The following DPYD variants were observed in gnomAD, a reference collection of about 807,000 sequenced individuals.
DPYD encodes dihydropyrimidine dehydrogenase [NADP(+)].
DPYD carries 109 observed loss-of-function variants against 116.2 expected under a neutral mutation model. The observed-to-expected ratio is 0.94, with a 90% CI of 0.80 to 1.10. DPYD has a LOEUF of 1.10. Ranked by LOEUF, DPYD falls within the 50% of genes least tolerant of loss-of-function variation. The pLI is 0.00. For synonymous variants in DPYD, 440 were observed against 432.0 expected, an observed-to-expected ratio of 1.02 and a Z score of -0.23; for missense variants, 1,302 against 1,254.5, an observed-to-expected ratio of 1.04 and a Z score of -0.57.
At chr1:97,591,260 T>C (rs1173112214) in intron 10 of DPYD, among the ~76,000 whole-genome samples, 1 of 152,196 alleles carries the variant, frequency 6.6e-6, no homozygotes, top group African/African-American at 2.4e-5. Flanking sequence ...CACACACTCA[T>C]TATACTCCTA....
At chr1:97,707,999 A>G (rs1038582498) in intron 5 of DPYD, among the ~76,000 whole-genome samples, 1 of 151,634 alleles carries the variant, frequency 6.6e-6, no homozygotes, top group African/African-American at 2.4e-5. Flanking sequence ...TAGAAGTTTT[A>G]ATTTTGTTTC....
rs1649223136 is a variant in DPYD at position 97,082,421 on chromosome 1, C to T, written c.2816G>A (p.Ser939Asn). Reference protein sequence around the residue: ...LQYLGTFGELSNVEQVVAMID... With the variant: ...LQYLGTFGELNNVEQVVAMID... ...CATAGCCACAACTTGCTCTACGTTGCTCAATTCACCAAATGTTCCAAGGTA... is the reference window on the plus strand; with the variant it reads ...CATAGCCACAACTTGCTCTACGTTGTTCAATTCACCAAATGTTCCAAGGTA... Residue 939 changes from serine to asparagine, a missense_variant, in exon 22 of 23, where the codon AGC becomes AAC. Transcript: ENST00000370192. 1.2e-6 allele frequency: 2 copies of T among 1,613,678 alleles called. No individual in the cohort carries two copies. Among genetic ancestry groups the T allele is most frequent in the East Asian group, 4.5e-5 (2 of 44,850 alleles).
At chr1:97,831,065 G>A (rs940895118) in intron 2 of DPYD, among the ~76,000 whole-genome samples, 2 of 152,124 alleles carry the variant, frequency 1.3e-5, no homozygotes, top group African/African-American at 2.4e-5. Flanking sequence ...AAATAAGTAA[G>A]CACTGTAGCA....
intron 20 of DPYD, among the ~76,000 whole-genome samples, chr1:97,141,530 C>T (rs1654222921): frequency 6.6e-6 from 1 of 152,146 alleles, no homozygotes; most frequent in Non-Finnish European, 1.5e-5. Flanking sequence ...GGTCCATACT[C>T]ACTGCTGTCT....
intron 5 of DPYD, among the ~76,000 whole-genome samples, chr1:97,718,880 C>T (rs1342452554): frequency 5.3e-5 from 8 of 151,440 alleles, no homozygotes. Flanking sequence ...ATAAAATTTT[C>T]AAGGGTTATA....
chr1:97,312,298 A>G (rs7538663), intron 16 of DPYD, among the ~76,000 whole-genome samples: 144,723 of 151,860 alleles, frequency 0.95, 69,372 homozygotes, highest in East Asian at 1. Flanking sequence ...AGAAACAGGC[A>G]TTCTCATAGG....
At chr1:97,357,304 T>C (rs1670473673) in intron 16 of DPYD, among the ~76,000 whole-genome samples, 1 of 152,146 alleles carries the variant, frequency 6.6e-6, no homozygotes, top group South Asian at 2.1e-4. Flanking sequence ...GAAACATCAT[T>C]GATTTTTGTT....
intron 12 of DPYD, among the ~76,000 whole-genome samples, chr1:97,530,854 T>C (rs1649565577): frequency 6.6e-6 from 1 of 152,218 alleles, no homozygotes; most frequent in African/African-American, 2.4e-5. Context: ...TTGATTTTCA[T>C]TTTCCTGATG....
At chr1:97,705,288 C>G (rs184098573) in intron 5 of DPYD, among the ~76,000 whole-genome samples, 6 of 152,194 alleles carry the variant, frequency 3.9e-5, no homozygotes, top group African/African-American at 9.6e-5. Context: ...CCCGCTCCCC[C>G]CAACCAACAA....
At chr1:97,806,669 A>G (rs1002198549) in intron 3 of DPYD, among the ~76,000 whole-genome samples, 58 of 151,954 alleles carry the variant, frequency 3.8e-4, no homozygotes, top group African/African-American at 1.4e-3. Flanking sequence ...ACACATCATT[A>G]TCACACAAAG....
intron 21 of DPYD, among the ~76,000 whole-genome samples, chr1:97,094,915 G>A (rs187485711): frequency 6.6e-6 from 1 of 152,174 alleles, no homozygotes; most frequent in Admixed American, 6.5e-5. Flanking sequence ...TCTGAACTCA[G>A]TGATTTTCTC....
chr1:97,681,006 A>G (rs1660401122), intron 7 of DPYD, among the ~76,000 whole-genome samples: 1 of 152,154 alleles, frequency 6.6e-6, no homozygotes, highest in South Asian at 2.1e-4. Flanking sequence ...ATAGAAGAAG[A>G]GCAATGTATA....
intron 13 of DPYD, among the ~76,000 whole-genome samples, chr1:97,499,509 TTCTC>T (rs1189094320): frequency 2.0e-5 from 3 of 151,832 alleles, no homozygotes; most frequent in South Asian, 2.1e-4. Flanking sequence ...TGATGTGTAT[TTCTC>T]TCTATCTAAA....
intron 8 of DPYD, among the ~76,000 whole-genome samples, chr1:97,619,420 G>A (rs1214213449): frequency 1.3e-5 from 2 of 152,130 alleles, no homozygotes; most frequent in Admixed American, 6.6e-5. Context: ...AATATATAGA[G>A]ATAACAAGTT....
intron 3 of DPYD, chr1:97,798,025 G>A (rs1667664143): frequency 6.6e-6 from 1 of 152,060 alleles, no homozygotes; most frequent in Non-Finnish European, 1.5e-5. Flanking sequence ...CTTCAGAAGA[G>A]TTAAGTCACA....
At chr1:97,220,241 G>A (rs894191289) in intron 19 of DPYD, among the ~76,000 whole-genome samples, 2 of 151,832 alleles carry the variant, frequency 1.3e-5, no homozygotes, top group Admixed American at 6.6e-5. Flanking sequence ...GGCTTTATAC[G>A]AAGAGAAAGA....
intron 3 of DPYD, among the ~76,000 whole-genome samples, chr1:97,756,492 C>G (rs1188142314): frequency 6.6e-6 from 1 of 152,084 alleles, no homozygotes; most frequent in Non-Finnish European, 1.5e-5. Context: ...TGAGACAACA[C>G]TAAAATTTCT....
chr1:97,628,203 T>C (rs1657046318), intron 8 of DPYD, among the ~76,000 whole-genome samples: 1 of 152,050 alleles, frequency 6.6e-6, no homozygotes, highest in South Asian at 2.1e-4. Flanking sequence ...GCCCAGGCTC[T>C]CCAATACCCT....
intron 1 of DPYD, among the ~76,000 whole-genome samples, chr1:97,907,510 G>A (rs1438010750): frequency 6.6e-6 from 1 of 152,094 alleles, no homozygotes; most frequent in East Asian, 1.9e-4. Flanking sequence ...AAGCTCAAAA[G>A]TGCCAGAACC....
Sources: allele counts gnomAD v4.1 joint callset (sites outside exome capture counted in the v4.1 genomes callset), GRCh38; gene constraint gnomAD v4.1.1; transcripts MANE v1.5; gene names NCBI Gene and HGNC (gene_info 2026-07-23, HGNC 2026-07-21).